Variants in NTN5 observed in about 807,000 individuals in gnomAD.
NTN5 encodes the protein netrin-5.
In NTN5, 42 loss-of-function variants were observed where a neutral mutation model predicts 38.7. The observed-to-expected ratio is 1.08, with a 90% CI of 0.85 to 1.40. The LOEUF is 1.40. Ranked by LOEUF, NTN5 falls within the 40% of genes most tolerant of loss-of-function variation. The pLI is 0.00. For missense variants in NTN5, 658 were observed against 716.5 expected (o/e 0.92, Z 0.93); for synonymous variants, 329 against 303.9 (o/e 1.08, Z -0.86).
chr19:48,668,672 G>T (rs1218301458), intron 2 of NTN5, among the ~76,000 whole-genome samples: 1 of 152,214 alleles, frequency 6.6e-6, no homozygotes, highest in African/African-American at 2.4e-5. Flanking sequence ...CGCAGCCACT[G>T]TGTGTCCTTG....
rs1384533319 is a variant in NTN5, at chr19:48,663,636, G to C, written c.1025-93C>G. On this transcript the variant is annotated intron_variant, in intron 5 of 6. Transcript: ENST00000270235. The stretch of plus-strand genomic sequence containing the variant: ...TCCCTCCGTTCCATCTTGATGGCCA[G>C]CTGGGGTACCCAAACCTTTGGGACT... The C allele has an allele frequency of 4.6e-6, 7 of 1,520,116 alleles. No individual in the cohort carries two copies. In the South Asian group the frequency reaches 5.6e-5, roughly 12 times the overall value. The allele number at this position is 1,520,116 out of a possible 1,614,324, so 94.2% of individuals were successfully genotyped here. A position where few individuals can be genotyped will look rare whatever the true frequency, so the allele number is the denominator to read the frequency against.
At chr19:48,669,055 C>T (rs1037978395) in intron 2 of NTN5, among the ~76,000 whole-genome samples, 20 of 145,826 alleles carry the variant, frequency 1.4e-4, no homozygotes, top group East Asian at 6.2e-4. Context: ...ACCACCATCA[C>T]CATCACCACC....
intron 2 of NTN5, among the ~76,000 whole-genome samples, chr19:48,669,058 TCAC>T (rs1568451634): frequency 1.1e-4 from 9 of 84,274 alleles, no homozygotes; most frequent in East Asian, 4.1e-4. Flanking sequence ...ACCATCACCA[TCAC>T]CACCACCACC....
rs373772020 is a variant in NTN5 at position 48,664,703 on chromosome 19, G to A, written c.696C>T (p.Gly232=). 1.1e-4 allele frequency: 182 copies of A among 1,603,866 alleles called. No homozygotes were observed. Among genetic ancestry groups the A allele is most frequent in the Non-Finnish European group, 1.4e-4 (165 of 1,175,518 alleles). The change falls in exon 3 of 7, where the codon GGC becomes GGT. Residue 232 remains glycine (G), a synonymous_variant. Coordinates refer to ENST00000270235, the MANE Select transcript of NTN5 (RefSeq NM_145807.4). ...RFNSELFRLS[G]GRSGGVCERC... is the part of the protein sequence containing the mutation. ...GCTCACAAACACCCCCACTCCGGCC[G>A]CCCGACAGTCTGAACAGCTCAGAGT...
chr19:48,664,852 A>G (rs1194563798), intron 2 of NTN5, 85 bp from the exon 3 acceptor site: 3 of 1,222,282 alleles, frequency 2.5e-6, no homozygotes, highest in African/African-American at 3.1e-5. Context: ...CCCTGCCCTC[A>G]TGAAAGGAAG....
chr19:48,663,003 G>A (rs1005596260), intron 6 of NTN5: 5 of 344,286 alleles, frequency 1.5e-5, no homozygotes, highest in Non-Finnish European at 2.9e-5. Flanking sequence ...ATAGCCTGAG[G>A]TCATAGACCC....
intron 2 of NTN5, among the ~76,000 whole-genome samples, chr19:48,669,679 C>CCATCAT (rs2031861073): frequency 1.7e-5 from 2 of 118,276 alleles, no homozygotes; most frequent in Non-Finnish European, 3.5e-5. Context: ...ACCATCATCA[C>CCATCAT]CACCATCACC....
rs768477843 is a variant in NTN5, at chr19:48,661,646, T to C, written c.*31A>G. 2 of 1,498,486 alleles carry C rather than the reference T, an allele frequency of 1.3e-6. No individual in the cohort carries two copies. Among genetic ancestry groups the C allele is most frequent in the Non-Finnish European group, 1.8e-6 (2 of 1,134,724 alleles). The allele number at this position is 1,498,486 out of a possible 1,614,324, so 92.8% of individuals were successfully genotyped here. A position where few individuals can be genotyped will look rare whatever the true frequency, so the allele number is the denominator to read the frequency against. On this transcript the variant is annotated 3_prime_UTR_variant, in exon 7 of 7. Transcript: ENST00000270235. Reference sequence around the variant, plus strand: ...GCTCCTAGTCGCTCCCAAATTACTTTGTTGGTGCTCGAGGCAGCCCCATCT... The same window carrying C: ...GCTCCTAGTCGCTCCCAAATTACTTCGTTGGTGCTCGAGGCAGCCCCATCT...
At chr19:48,664,494 C>A in intron 3 of NTN5, 85 bp downstream of exon 3, 3 of 1,351,858 alleles carry the variant, frequency 2.2e-6, no homozygotes, top group Non-Finnish European at 3.0e-6. Flanking sequence ...ATCCAGGAAT[C>A]CAGGCCCCCA....
Position 48,661,469 on chromosome 19 carries a change from C to T in NTN5, c.*208G>A. On this transcript the variant is annotated 3_prime_UTR_variant, in exon 7 of 7. Transcript: ENST00000270235. ...CACTGGCGGGGAATAAGCCACAGGCCAAAGGAGGAAATGTTGGGACCAGAA... is the reference window on the plus strand; with the variant it reads ...CACTGGCGGGGAATAAGCCACAGGCTAAAGGAGGAAATGTTGGGACCAGAA... The T allele has an allele frequency of 2.0e-6, 1 of 505,684 alleles. No individual in the cohort carries two copies. The highest frequency in any genetic ancestry group is 3.2e-6 in the Non-Finnish European group (1 of 309,460). 31.3% of individuals were successfully genotyped at this position (505,684 alleles called of 1,614,324 possible).
chr19:48,664,353 CCACAGTGCCT>C, intron 3 of NTN5, 61 bp from the exon 4 acceptor site: 18 of 1,567,224 alleles, frequency 1.1e-5, no homozygotes, highest in Non-Finnish European at 1.6e-5. Context: ...CCTCCCAATT[CCACAGTGCCT>C]CCTCCCTCAG....
At chr19:48,669,745 C>CCACCAT (rs2031871179) in intron 2 of NTN5, among the ~76,000 whole-genome samples, 1 of 120,566 alleles carries the variant, frequency 8.3e-6, no homozygotes, top group Non-Finnish European at 1.7e-5. Flanking sequence ...ACCATCACCA[C>CCACCAT]CACCATCACC....
rs2031632308 is a variant in NTN5 at position 48,664,281 on chromosome 19, G to A, written c.832C>T (p.His278Tyr). The stretch of plus-strand genomic sequence containing the variant: ...GTTCCTCCTGTTGCCCCAATAGGGT[G>A]GCACTGGCAGGCTACATGAGCAGAG... ...SRRACRACQCHPIGATGGTCN... is the reference protein window; with the variant it reads ...SRRACRACQCYPIGATGGTCN... Residue 278 changes from histidine to tyrosine, a missense_variant, in exon 4 of 7, where the codon CAC becomes TAC. His to Tyr is a moderately conservative substitution (Grantham distance 83). Coordinates refer to ENST00000270235, the MANE Select transcript of NTN5 (RefSeq NM_145807.4). The A allele has an allele frequency of 6.2e-7, 1 of 1,612,884 alleles. No individual in the cohort carries two copies. Among genetic ancestry groups the A allele is most frequent in the Non-Finnish European group, 8.5e-7 (1 of 1,179,522 alleles).
At position 48,663,795 on chromosome 19, in the gene NTN5, G is replaced by A. The variant is rs2031614383; in HGVS notation, c.990C>T (p.Thr330=). 6.2e-7 allele frequency: 1 copy of A among 1,613,926 alleles called. No homozygotes were observed. The highest frequency in any genetic ancestry group is 1.3e-5 in the African/African-American group (1 of 74,906). The change falls in exon 5 of 7, where the codon ACC becomes ACT. Residue 330 remains threonine, a synonymous_variant. Transcript: ENST00000270235. ...AAGCACCAGGAGTAGTGGCAAGGGT[G>A]GTTGTTGCCTCTGGAATTCCTGTGA... The part of the protein sequence containing the change: ...MPCQRIPEAT[T]TLATTPGAYS...
intron 2 of NTN5, among the ~76,000 whole-genome samples, chr19:48,669,670 CCATCAT>C (rs2031859812): frequency 1.1e-5 from 1 of 94,112 alleles, no homozygotes. Flanking sequence ...ACCACCATCA[CCATCAT>C]CACCACCATC....
chr19:48,661,695 A>T lies in NTN5; in HGVS notation c.1452T>A (p.Ser484Arg). 2 of 1,551,698 alleles carry T rather than the reference A, an allele frequency of 1.3e-6. No individual in the cohort carries two copies. The highest frequency in any genetic ancestry group is 2.3e-5 in the South Asian group (2 of 86,596). Reference protein sequence around the residue: ...GCRGVRAPTPSPRPEH With the variant: ...GCRGVRAPTPRPRPEH Reference sequence around the variant, plus strand: ...CTCACGTCTAGTGCTCCGGCCTGGGACTGGGTGTGGGTGCCCGCACGCCGC... The same window carrying T: ...CTCACGTCTAGTGCTCCGGCCTGGGTCTGGGTGTGGGTGCCCGCACGCCGC... The change falls in exon 7 of 7, where the codon AGT becomes AGA. Residue 484 changes from serine to arginine, a missense_variant. Physicochemically the swap from Ser to Arg is moderately radical, Grantham distance 110. Coordinates refer to ENST00000270235, the MANE Select transcript of NTN5 (RefSeq NM_145807.4).
At chr19:48,670,292 G>T (rs559946724) in intron 2 of NTN5, 64 bp downstream of exon 2, 4 of 1,363,016 alleles carry the variant, frequency 2.9e-6, no homozygotes, top group South Asian at 1.8e-5. Flanking sequence ...TCCTGCTCCC[G>T]TAGGGACAAA....
At chr19:48,663,682 G>A in intron 5 of NTN5, 79 bp downstream of exon 5, 1 of 1,524,356 alleles carries the variant, frequency 6.6e-7, no homozygotes, top group Non-Finnish European at 9.1e-7. Flanking sequence ...GGTGACCCAT[G>A]TATCCCCATC....
intron 2 of NTN5, 39 bp from the exon 3 acceptor site, chr19:48,664,806 T>C (rs773818326): frequency 6.8e-7 from 1 of 1,473,854 alleles, no homozygotes; most frequent in Non-Finnish European, 9.0e-7. Context: ...CAGGGCCGAG[T>C]GTGCTGCTCC....
Sources: gnomAD v4.1 joint callset for allele counts (sites outside exome capture counted in the v4.1 genomes callset) on GRCh38, gnomAD v4.1.1 for gene constraint, MANE v1.5 for transcripts, NCBI Gene and HGNC (gene_info 2026-07-23, HGNC 2026-07-21) for gene names.